BANP: variants seen among roughly 807,000 people sequenced by gnomAD.
BANP encodes the protein protein BANP.
A neutral mutation model predicts 68.1 loss-of-function variants in BANP; 11 were observed. That is an observed-to-expected ratio of 0.16 (90% CI 0.10 to 0.27). BANP has a LOEUF of 0.27. BANP is among the 10% of genes least tolerant of loss of function. The pLI, the probability that BANP is intolerant of heterozygous loss-of-function variation, is 1.00. For missense variants in BANP, 504 were observed against 722.7 expected, an observed-to-expected ratio of 0.70 and a Z score of 3.47; for synonymous variants, 329 against 303.2, an observed-to-expected ratio of 1.09 and a Z score of -0.88.
intron 4 of BANP, among the ~76,000 whole-genome samples, chr16:87,986,282 G>T (rs1277342347): frequency 6.6e-6 from 1 of 152,232 alleles, no homozygotes. Context: ...CACTTGTCAC[G>T]TTGTGCCAGT....
intron 7 of BANP, among the ~76,000 whole-genome samples, chr16:88,020,331 C>A (rs2075765934): frequency 6.6e-6 from 1 of 152,262 alleles, no homozygotes; most frequent in Non-Finnish European, 1.5e-5. Context: ...ACCACCCCCT[C>A]CACCCTCTGC....
chr16:87,968,558 G>A (rs1317050068), intron 1 of BANP, among the ~76,000 whole-genome samples: 1 of 151,734 alleles, frequency 6.6e-6, no homozygotes, highest in Non-Finnish European at 1.5e-5. Flanking sequence ...GAAAAAAGAA[G>A]GCTGTATTGA....
intron 1 of BANP, among the ~76,000 whole-genome samples, chr16:87,967,594 T>A (rs1238182103): frequency 6.6e-6 from 1 of 150,624 alleles, no homozygotes; most frequent in Non-Finnish European, 1.5e-5. Context: ...TAGCTGGGAT[T>A]ACAGGCATGC....
At chr16:87,964,348 C>T (rs1041521835) in intron 1 of BANP, among the ~76,000 whole-genome samples, 18 of 152,252 alleles carry the variant, frequency 1.2e-4, no homozygotes, top group African/African-American at 4.3e-4. Flanking sequence ...TAGCAGGAGA[C>T]ACTAAGCAAG....
chr16:88,033,376 C>T (rs2078623939), intron 9 of BANP, 131 bp downstream of exon 9: 2 of 989,734 alleles, frequency 2.0e-6, no homozygotes, highest in Non-Finnish European at 2.8e-6. Context: ...GGCACAAGGT[C>T]CCCATTTAAA....
intron 8 of BANP, among the ~76,000 whole-genome samples, chr16:88,029,152 C>G (rs2077575755): frequency 6.6e-6 from 1 of 150,800 alleles, no homozygotes; most frequent in African/African-American, 2.4e-5. Context: ...ACTAAAAATA[C>G]AAAAATTAGC....
intron 4 of BANP, among the ~76,000 whole-genome samples, chr16:87,987,917 T>A (rs1222199352): frequency 6.6e-6 from 1 of 151,490 alleles, no homozygotes; most frequent in African/African-American, 2.4e-5. Context: ...AGGTGCACGC[T>A]ACTATGCTTG....
intron 11 of BANP, among the ~76,000 whole-genome samples, chr16:88,052,464 C>T (rs187428537): frequency 3.3e-5 from 5 of 150,454 alleles, no homozygotes; most frequent in African/African-American, 1.2e-4. Context: ...TTTCTAGGAC[C>T]GTTCAAGGAG....
chr16:87,967,166 G>A (rs560594815), intron 1 of BANP, among the ~76,000 whole-genome samples: 33 of 152,260 alleles, frequency 2.2e-4, no homozygotes, highest in African/African-American at 7.7e-4. Context: ...GCAGGTACTG[G>A]CACCGGCAGC....
At chr16:88,023,925 G>C (rs1243561054) in intron 7 of BANP, among the ~76,000 whole-genome samples, 4 of 152,202 alleles carry the variant, frequency 2.6e-5, no homozygotes, top group Non-Finnish European at 4.4e-5. Flanking sequence ...TGTAGTGTGG[G>C]GATATGGCTG....
rs1004799685 is a variant in BANP at position 88,036,620 on chromosome 16, C to T, written c.1272+1226C>T. ...AGCACATGCGTAAGGGTTCTGAGGGCGGAATGAGGATGAGGTGAAAGGGGA... is the reference window on the plus strand; with the variant it reads ...AGCACATGCGTAAGGGTTCTGAGGGTGGAATGAGGATGAGGTGAAAGGGGA... On this transcript the variant is annotated intron_variant, in intron 10 of 13. Coordinates refer to ENST00000682872, the MANE Select transcript of BANP (RefSeq NM_001386991.1). The surrounding 1 kb of genome is among the most constrained non-coding windows in gnomAD (Gnocchi z 4.2). 6.6e-6 allele frequency among the ~76,000 whole-genome samples: 1 copy of T among 151,836 alleles called. No homozygotes were observed. Among genetic ancestry groups the T allele is most frequent in the East Asian group, 1.9e-4 (1 of 5,178 alleles).
intron 7 of BANP, among the ~76,000 whole-genome samples, chr16:88,019,524 AG>A (rs1458030773): frequency 1.6e-5 from 2 of 129,026 alleles, no homozygotes; most frequent in African/African-American, 5.8e-5. Flanking sequence ...TTCAGCGTCC[AG>A]GATCTCAGCA....
intron 2 of BANP, among the ~76,000 whole-genome samples, chr16:87,979,573 G>A (rs1339640082): frequency 6.6e-6 from 1 of 152,162 alleles, no homozygotes; most frequent in Non-Finnish European, 1.5e-5. Flanking sequence ...GCAGAGCGGG[G>A]CAGGTGTCAT....
intron 1 of BANP, among the ~76,000 whole-genome samples, chr16:87,961,593 A>G (rs181095729): frequency 1.3e-5 from 2 of 152,326 alleles, no homozygotes; most frequent in Admixed American, 6.5e-5. Context: ...AATGTAAAAC[A>G]ATATTATCCC....
intron 4 of BANP, among the ~76,000 whole-genome samples, chr16:87,992,189 G>A (rs1183540555): frequency 6.6e-6 from 1 of 152,160 alleles, no homozygotes; most frequent in Non-Finnish European, 1.5e-5. Flanking sequence ...ACCGAACCTT[G>A]CATTTCTCTT....
rs1023964093 is a variant in BANP, at chr16:88,071,226, G to T, written c.1378-843G>T. The T allele has an allele frequency of 2.9e-5, 10 of 348,814 alleles. No homozygotes were observed. The highest frequency in any genetic ancestry group is 5.6e-5 in the Non-Finnish European group (10 of 177,260). 21.6% of individuals were successfully genotyped at this position (348,814 alleles called of 1,614,324 possible). Reference sequence around the variant, plus strand: ...GTGGGATGCATCTCCTGGCCCTCCCGTAGTGGGGTGCAACCCCAAGTGAAG... The same window carrying T: ...GTGGGATGCATCTCCTGGCCCTCCCTTAGTGGGGTGCAACCCCAAGTGAAG... On this transcript the variant is annotated intron_variant, in intron 12 of 13. Transcript: ENST00000682872. The surrounding 1 kb of genome is among the most constrained non-coding windows in gnomAD (Gnocchi z 6.5).
chr16:88,074,482 C>T (rs2091167646), intron 13 of BANP, among the ~76,000 whole-genome samples: 1 of 152,072 alleles, frequency 6.6e-6, no homozygotes, highest in African/African-American at 2.4e-5. Flanking sequence ...TGCGCGGTGG[C>T]CTGTGGGTGT....
intron 6 of BANP, among the ~76,000 whole-genome samples, chr16:88,010,999 C>T (rs1173639049): frequency 2.0e-5 from 3 of 152,176 alleles, no homozygotes; most frequent in Non-Finnish European, 1.5e-5. Context: ...TTTTTCATGG[C>T]AGTCCTGAGT....
chr16:87,961,410 C>CCCCT (rs1555533449), intron 1 of BANP, among the ~76,000 whole-genome samples: 2 of 140,422 alleles, frequency 1.4e-5, no homozygotes, highest in Non-Finnish European at 3.3e-5. Flanking sequence ...AGAATCTGCA[C>CCCCT]CCCCCCGGGC....
Sources: gnomAD v4.1 joint callset for allele counts (sites outside exome capture counted in the v4.1 genomes callset) on GRCh38, gnomAD v4.1.1 for gene constraint, Gnocchi (gnomAD v3.1) non-coding constraint, MANE v1.5 for transcripts, NCBI Gene and HGNC (gene_info 2026-07-23, HGNC 2026-07-21) for gene names.